CELF1: variants seen among roughly 807,000 people sequenced by gnomAD.
CELF1 encodes 50 kDa nuclear polyadenylated RNA-binding protein.
A neutral mutation model predicts 61.8 loss-of-function variants in CELF1; 10 were observed. The ratio of observed to expected loss-of-function variants is 0.16; its 90% CI spans 0.10 to 0.27. The LOEUF is 0.27. Ranked by LOEUF, CELF1 falls within the 10% of genes least tolerant of loss-of-function variation. The pLI, the probability that CELF1 is intolerant of heterozygous loss-of-function variation, is 1.00. For synonymous variants in CELF1, 236 were observed against 225.1 expected (o/e 1.05, Z -0.43); for missense variants, 380 against 639.1 (o/e 0.59, Z 4.37).
chr11:47,553,460 A>C (rs913222605), upstream of CELF1, among the ~76,000 whole-genome samples: 74 of 152,236 alleles, frequency 4.9e-4, no homozygotes, highest in African/African-American at 1.8e-3. Flanking sequence ...TCGCACCCAC[A>C]GGAGCTCTAG....
At chr11:47,512,356 T>C (rs1237601768) in intron 1 of CELF1, among the ~76,000 whole-genome samples, 1 of 152,020 alleles carries the variant, frequency 6.6e-6, no homozygotes, top group East Asian at 1.9e-4. Context: ...GTTTTCACTG[T>C]ATTAGCCAGG....
intron 3 of CELF1, among the ~76,000 whole-genome samples, chr11:47,489,866 T>C (rs2090094111): frequency 6.6e-6 from 1 of 150,850 alleles, no homozygotes; most frequent in Non-Finnish European, 1.5e-5. Flanking sequence ...TTCATTCCTA[T>C]CTTGCCACTG....
chr11:47,549,570 C>A (rs977741805), intron 1 of CELF1, among the ~76,000 whole-genome samples: 2 of 151,962 alleles, frequency 1.3e-5, no homozygotes, highest in South Asian at 4.1e-4. Flanking sequence ...AAGTCTGTCA[C>A]AAAAAACAGA....
intron 1 of CELF1, among the ~76,000 whole-genome samples, chr11:47,518,245 C>G (rs1399613862): frequency 1.3e-5 from 2 of 152,146 alleles, no homozygotes; most frequent in Non-Finnish European, 2.9e-5. Context: ...TTAAATGACC[C>G]CAGCAACTCA....
intron 1 of CELF1, chr11:47,523,350 T>C (rs189402159): frequency 6.6e-6 from 1 of 152,160 alleles, no homozygotes; most frequent in East Asian, 1.9e-4. Context: ...GGGAAAACAT[T>C]AGGACAGTAA....
intron 1 of CELF1, among the ~76,000 whole-genome samples, chr11:47,504,277 T>C (rs1204147628): frequency 4.6e-5 from 7 of 151,634 alleles, no homozygotes; most frequent in Admixed American, 2.6e-4. Flanking sequence ...AAAGAAGAAA[T>C]AGAAATATTG....
Position 47,472,154 on chromosome 11 carries a change from G to A in CELF1, c.*76C>T. Reference sequence around the variant, plus strand: ...CAGGGCTGTCAACACACAGCCTCAGGGCTTCGAATCATTAAGGGTGCTCCT... The same window carrying A: ...CAGGGCTGTCAACACACAGCCTCAGAGCTTCGAATCATTAAGGGTGCTCCT... On this transcript the variant is annotated 3_prime_UTR_variant, in exon 15 of 15. Transcript: ENST00000687097. The A allele has an allele frequency of 6.4e-7, 1 of 1,561,188 alleles. No homozygotes were observed. Among genetic ancestry groups the A allele is most frequent in the Non-Finnish European group, 8.8e-7 (1 of 1,140,974 alleles).
At chr11:47,479,421 C>A (rs143492690) in intron 9 of CELF1, among the ~76,000 whole-genome samples, 14 of 152,320 alleles carry the variant, frequency 9.2e-5, no homozygotes, top group African/African-American at 3.4e-4. Flanking sequence ...TTTTAAATAT[C>A]AAATCTAAAC....
At chr11:47,493,507 CAAAAAGAAAAAA>C (rs2092360854) in intron 3 of CELF1, among the ~76,000 whole-genome samples, 1 of 80,330 alleles carries the variant, frequency 1.2e-5, no homozygotes, top group African/African-American at 5.5e-5. Flanking sequence ...GACTCCATCT[CAAAAAGAAAAAA>C]AAAAAAAAAA....
intron 4 of CELF1, among the ~76,000 whole-genome samples, chr11:47,487,709 AT>A (rs2088381019): frequency 1.3e-5 from 2 of 152,222 alleles, no homozygotes; most frequent in African/African-American, 2.4e-5. Flanking sequence ...CTCAAACATA[AT>A]TATCACTTAT....
chr11:47,477,152 A>G (rs2080610237), intron 11 of CELF1, 145 bp downstream of exon 11: 3 of 987,008 alleles, frequency 3.0e-6, no homozygotes, highest in Non-Finnish European at 4.6e-6. Flanking sequence ...CTTAAGTACA[A>G]AAGATGACAT....
upstream of CELF1, among the ~76,000 whole-genome samples, chr11:47,553,320 C>T (rs1770178593): frequency 6.6e-6 from 1 of 152,084 alleles, no homozygotes; most frequent in Non-Finnish European, 1.5e-5. Context: ...GAGGAGCAGC[C>T]GCACCTAAGC....
chr11:47,537,634 T>C (rs1647198889), intron 1 of CELF1, among the ~76,000 whole-genome samples: 1 of 152,188 alleles, frequency 6.6e-6, no homozygotes, highest in Non-Finnish European at 1.5e-5. Flanking sequence ...TTTAAAGTAC[T>C]CCATCTTCAG....
At chr11:47,525,484 T>C (rs1170889948) in intron 1 of CELF1, among the ~76,000 whole-genome samples, 4 of 152,092 alleles carry the variant, frequency 2.6e-5, no homozygotes, top group Non-Finnish European at 5.9e-5. Context: ...GTAATTTTAT[T>C]CCCCCCTTAT....
chr11:47,512,795 T>A (rs537213811), intron 1 of CELF1, among the ~76,000 whole-genome samples: 1 of 152,204 alleles, frequency 6.6e-6, no homozygotes, highest in African/African-American at 2.4e-5. Context: ...TTAGGCCCCC[T>A]GCTTTGGAAA....
intron 1 of CELF1, among the ~76,000 whole-genome samples, chr11:47,527,612 AT>A: frequency 6.6e-6 from 1 of 152,164 alleles, no homozygotes; most frequent in Non-Finnish European, 1.5e-5. Context: ...TATTCATTGT[AT>A]ATACTGACTT....
At chr11:47,512,315 GC>G (rs1358696189) in intron 1 of CELF1, among the ~76,000 whole-genome samples, 2 of 151,970 alleles carry the variant, frequency 1.3e-5, no homozygotes, top group African/African-American at 4.8e-5. Context: ...ACCAAGCCTG[GC>G]TAATTTTTTT....
chr11:47,477,569 C>A, intron 10 of CELF1, 144 bp from the exon 11 acceptor site: 1 of 732,426 alleles, frequency 1.4e-6, no homozygotes. Flanking sequence ...CATTACAGGG[C>A]TCCAAAAATG....
At chr11:47,562,218 C>T (rs1383834277) in intron 2 of CELF1, among the ~76,000 whole-genome samples, 1 of 135,612 alleles carries the variant, frequency 7.4e-6, no homozygotes, top group East Asian at 2.1e-4. Context: ...AAGAGCGAAA[C>T]TCCATCTCAA....
Sources: gnomAD v4.1 joint callset for allele counts (sites outside exome capture counted in the v4.1 genomes callset) on GRCh38, gnomAD v4.1.1 for gene constraint, MANE v1.5 for transcripts, NCBI Gene and HGNC (gene_info 2026-07-23, HGNC 2026-07-21) for gene names.